The following CASP8 variants were observed in gnomAD, a reference collection of about 807,000 sequenced individuals.
The protein encoded by CASP8 is caspase 8, also known as caspase-8.
CASP8 carries 24 observed loss-of-function variants against 46.3 expected under a neutral mutation model. That is an observed-to-expected ratio of 0.52 (90% CI 0.38 to 0.73). The LOEUF (loss-of-function observed/expected upper bound fraction) is 0.73. Ranked by LOEUF, CASP8 falls within the 30% of genes least tolerant of loss-of-function variation. The pLI is 0.00. For synonymous variants in CASP8, 188 were observed against 200.4 expected (o/e 0.94, Z 0.52); for missense variants, 460 against 559.0 (o/e 0.82, Z 1.79).
intron 5 of CASP8, among the ~76,000 whole-genome samples, chr2:201,273,772 T>C (rs376097071): frequency 6.6e-6 from 1 of 151,916 alleles, no homozygotes; most frequent in East Asian, 1.9e-4. Context: ...CCTCCTGGAC[T>C]CAGATGATCC....
chr2:201,262,062 G>T (rs1026180336), intron 1 of CASP8: 1 of 152,118 alleles, frequency 6.6e-6, no homozygotes. Context: ...TTGAAATGTT[G>T]TTCTCTAAAA....
chr2:201,273,799 T>C (rs1225514628), intron 5 of CASP8, among the ~76,000 whole-genome samples: 1 of 151,774 alleles, frequency 6.6e-6, no homozygotes, highest in African/African-American at 2.4e-5. Flanking sequence ...CTCAACCCCC[T>C]GAGTAGCTGG....
chr2:201,243,435 C>A (rs1946383613), intron 2 of CASP8, among the ~76,000 whole-genome samples: 1 of 152,144 alleles, frequency 6.6e-6, no homozygotes, highest in South Asian at 2.1e-4. Context: ...GTGCACATAG[C>A]CTTGAATCCA....
chr2:201,234,626 T>G (rs986210217), intron 2 of CASP8, among the ~76,000 whole-genome samples: 1 of 151,720 alleles, frequency 6.6e-6, no homozygotes, highest in Non-Finnish European at 1.5e-5. Context: ...ATTTTTTTTT[T>G]TGTATTTTTA....
chr2:201,276,377 C>T (rs999604330), intron 6 of CASP8, among the ~76,000 whole-genome samples: 9 of 152,198 alleles, frequency 5.9e-5, no homozygotes, highest in African/African-American at 2.2e-4. Context: ...CCACGAAGCA[C>T]AGATGAGTTC....
At chr2:201,251,730 C>A (rs568687446) in intron 2 of CASP8, among the ~76,000 whole-genome samples, 1 of 151,238 alleles carries the variant, frequency 6.6e-6, no homozygotes, top group South Asian at 2.1e-4. Context: ...TGGTGAAACC[C>A]TGTCTCTACT....
intron 2 of CASP8, among the ~76,000 whole-genome samples, chr2:201,237,321 CCT>C (rs1218184326): frequency 2.0e-5 from 3 of 150,678 alleles, no homozygotes; most frequent in Non-Finnish European, 4.4e-5. Flanking sequence ...AAACTTTTGA[CCT>C]CAAGTGATCT....
At chr2:201,257,013 C>T (rs577155660), upstream of CASP8, among the ~76,000 whole-genome samples, 133 of 151,974 alleles carry the variant, frequency 8.8e-4, no homozygotes, top group Non-Finnish European at 1.1e-3. Flanking sequence ...GGCATGGTGG[C>T]GCATGCCTGT....
At chr2:201,236,184 G>C (rs1346517659) in intron 2 of CASP8, among the ~76,000 whole-genome samples, 1 of 151,978 alleles carries the variant, frequency 6.6e-6, no homozygotes, top group African/African-American at 2.4e-5. Context: ...CTGTCCTCCT[G>C]CCCCTCCCCA....
intron 2 of CASP8, among the ~76,000 whole-genome samples, chr2:201,236,964 T>C (rs1165526395): frequency 6.6e-6 from 1 of 152,210 alleles, no homozygotes; most frequent in African/African-American, 2.4e-5. Flanking sequence ...AAATTATTTC[T>C]ATCCCCACCC....
intron 2 of CASP8, among the ~76,000 whole-genome samples, chr2:201,244,493 G>A (rs1946427592): frequency 6.6e-6 from 1 of 152,120 alleles, no homozygotes; most frequent in Non-Finnish European, 1.5e-5. Context: ...ACTGTGACAT[G>A]GGTAAGGGTA....
intron 2 of CASP8, among the ~76,000 whole-genome samples, chr2:201,239,046 T>TG (rs1576185733): frequency 1.3e-5 from 2 of 152,040 alleles, no homozygotes; most frequent in Non-Finnish European, 2.9e-5. Flanking sequence ...CAACCCTGAG[T>TG]GGATACAGCA....
chr2:201,239,247 A>G lies in CASP8; in HGVS notation c.-27+5135A>G, dbSNP rs7575657. On this transcript the variant is annotated intron_variant, in intron 2 of 6. Transcript: ENST00000264274. ...CCCCTTTCTGTTCCACAAAACCGCC[A>G]TTGTCATCATGGCCCGTTCTCAATG... is the stretch of plus-strand genomic sequence containing the variant. Among the ~76,000 whole-genome samples the G allele has an allele frequency of 5.4e-4, 82 of 151,884 alleles. No individual in the cohort carries two copies. The East Asian group carries it at 0.015, about 27-fold the overall frequency.
intron 5 of CASP8, among the ~76,000 whole-genome samples, chr2:201,273,607 C>T (rs1948436517): frequency 6.6e-6 from 1 of 152,090 alleles, no homozygotes; most frequent in Non-Finnish European, 1.5e-5. Context: ...CTTTTTCTAC[C>T]TGATAAGCGA....
At chr2:201,247,937 C>T (rs1033251932) in intron 2 of CASP8, among the ~76,000 whole-genome samples, 2 of 152,162 alleles carry the variant, frequency 1.3e-5, no homozygotes, top group African/African-American at 4.8e-5. Flanking sequence ...AGCCACTGCG[C>T]CCGGCCAACT....
rs187924768 is a variant in CASP8, at chr2:201,266,194, G to T, written c.-26-267G>T. Reference sequence around the variant, plus strand: ...GGGGTTTCACCATGTTAGTCAGGCTGGTCTCAAACTCCTGACCTCGTGATC... The same window carrying T: ...GGGGTTTCACCATGTTAGTCAGGCTTGTCTCAAACTCCTGACCTCGTGATC... On this transcript the variant is annotated intron_variant, in intron 1 of 8. Transcript: ENST00000673742. This position sits in a 1 kb window ranked among gnomAD's most constrained non-coding sequence, Gnocchi z 5.7. 1.3e-5 allele frequency among the ~76,000 whole-genome samples: 2 copies of T among 152,152 alleles called. No homozygotes were observed. The highest frequency in any genetic ancestry group is 2.9e-5 in the Non-Finnish European group (2 of 68,030).
chr2:201,271,307 A>G (rs1948230085), intron 2 of CASP8, among the ~76,000 whole-genome samples: 1 of 152,214 alleles, frequency 6.6e-6, no homozygotes, highest in Non-Finnish European at 1.5e-5. Context: ...AGAACTTTAA[A>G]TTGTTAAGGG....
chr2:201,263,622 G>T (rs531468486), intron 1 of CASP8, among the ~76,000 whole-genome samples: 20 of 152,210 alleles, frequency 1.3e-4, no homozygotes, highest in African/African-American at 4.3e-4. Context: ...AATACACTAA[G>T]CATTGTTATC....
chr2:201,254,223 TA>T (rs1445125882), intron 2 of CASP8, among the ~76,000 whole-genome samples: 1 of 151,948 alleles, frequency 6.6e-6, no homozygotes, highest in Non-Finnish European at 1.5e-5. Flanking sequence ...GCAGAAGGGG[TA>T]GGTATTGGCA....
Sources: allele counts gnomAD v4.1 joint callset (sites outside exome capture counted in the v4.1 genomes callset), GRCh38; gene constraint gnomAD v4.1.1; non-coding constraint Gnocchi (gnomAD v3.1); transcripts MANE v1.5; gene names NCBI Gene and HGNC (gene_info 2026-07-23, HGNC 2026-07-21).